ZDHHC15: variants seen among roughly 807,000 people sequenced by gnomAD.
ZDHHC15 encodes the protein palmitoyltransferase ZDHHC15.
In ZDHHC15, 19 loss-of-function variants were observed where a neutral mutation model predicts 31.7. That is an observed-to-expected ratio of 0.60 (90% CI 0.42 to 0.88). The LOEUF is 0.88. ZDHHC15 is among the 40% of genes least tolerant of loss of function. The probability of loss-of-function intolerance (pLI) is 0.00; values close to 1 mark genes in which losing one functional copy is unlikely to be tolerated. For missense variants in ZDHHC15, 209 were observed against 251.2 expected, an observed-to-expected ratio of 0.83 and a Z score of 1.14; for synonymous variants, 103 against 90.0, an observed-to-expected ratio of 1.14 and a Z score of -0.82.
At chrX:75,426,724 G>C (rs1468880990) in intron 7 of ZDHHC15, among the ~76,000 whole-genome samples, 1 of 111,288 alleles carries the variant, frequency 9.0e-6, no homozygotes, top group Non-Finnish European at 1.9e-5. Context: ...ATAATCTGTT[G>C]GTCTTCTGAA....
intron 2 of ZDHHC15, among the ~76,000 whole-genome samples, chrX:75,490,718 GT>G (rs1213728469): frequency 9.0e-6 from 1 of 111,204 alleles, no homozygotes; most frequent in African/African-American, 3.3e-5. Flanking sequence ...TCCGTTGTAA[GT>G]TGGATTCCTA....
intron 2 of ZDHHC15, among the ~76,000 whole-genome samples, chrX:75,503,458 C>T (rs1200129708): frequency 9.0e-6 from 1 of 110,828 alleles, no homozygotes; most frequent in Admixed American, 9.7e-5. Flanking sequence ...AATCATAATA[C>T]TATTAACTAT....
intron 3 of ZDHHC15, among the ~76,000 whole-genome samples, chrX:75,452,702 C>T (rs747392254): frequency 2.7e-5 from 3 of 112,144 alleles, no homozygotes; most frequent in African/African-American, 9.7e-5. Context: ...GACCACAGTT[C>T]AATCAAATTA....
At chrX:75,485,570 G>T (rs2084764931) in intron 2 of ZDHHC15, among the ~76,000 whole-genome samples, 1 of 111,088 alleles carries the variant, frequency 9.0e-6, no homozygotes, top group Admixed American at 9.6e-5. Context: ...GAGACTGCAA[G>T]GCATGTTGGG....
chrX:75,488,136 A>G (rs1265439071), intron 2 of ZDHHC15, among the ~76,000 whole-genome samples: 1 of 112,068 alleles, frequency 8.9e-6, no homozygotes, highest in Non-Finnish European at 1.9e-5. Flanking sequence ...TGGTCTTGCT[A>G]CTGATCTAGA....
chrX:75,389,620 T>G (rs766570148), intron 10 of ZDHHC15, among the ~76,000 whole-genome samples: 1 of 110,541 alleles, frequency 9.0e-6, no homozygotes, highest in Non-Finnish European at 1.9e-5. Flanking sequence ...GAAGGGAACA[T>G]GCTGTATTAA....
intron 1 of ZDHHC15, among the ~76,000 whole-genome samples, chrX:75,506,351 G>T (rs2085163686): frequency 9.0e-6 from 1 of 111,471 alleles, no homozygotes; most frequent in Admixed American, 9.6e-5. Context: ...AGAAAAATAG[G>T]GAAAAAGTCC....
chrX:75,411,604 C>T (rs2083486821), intron 10 of ZDHHC15, among the ~76,000 whole-genome samples: 1 of 112,231 alleles, frequency 8.9e-6, no homozygotes, highest in African/African-American at 3.2e-5. Flanking sequence ...CCCAATTAAC[C>T]TGATTTAATC....
chrX:75,438,996 G>C (rs2083901667), intron 4 of ZDHHC15, among the ~76,000 whole-genome samples: 1 of 111,327 alleles, frequency 9.0e-6, no homozygotes, highest in Non-Finnish European at 1.9e-5. Context: ...ATCCCTTCTA[G>C]TTTGCAGGGT....
chrX:75,483,220 A>G (rs2084721180), intron 2 of ZDHHC15, among the ~76,000 whole-genome samples: 1 of 109,137 alleles, frequency 9.2e-6, no homozygotes, highest in Admixed American at 1.0e-4. Flanking sequence ...CTCCCTCTTA[A>G]ATCTTAGTGA....
At chrX:75,434,685 C>T (rs993094279) in intron 4 of ZDHHC15, among the ~76,000 whole-genome samples, 5 of 111,952 alleles carry the variant, frequency 4.5e-5, no homozygotes, top group African/African-American at 1.6e-4. Flanking sequence ...TATTCTGTTC[C>T]ATTGGTCTAT....
chrX:75,437,391 TC>T (rs1336244724), intron 4 of ZDHHC15, among the ~76,000 whole-genome samples: 1 of 94,368 alleles, frequency 1.1e-5, no homozygotes, highest in African/African-American at 3.9e-5. Flanking sequence ...ACCCACTAAC[TC>T]GTCATCTAGC....
intron 10 of ZDHHC15, among the ~76,000 whole-genome samples, chrX:75,383,710 C>T (rs1449418697): frequency 9.6e-6 from 1 of 104,710 alleles, no homozygotes; most frequent in Non-Finnish European, 2.0e-5. Context: ...ATCACCCCCA[C>T]TACCCCAAAT....
intron 4 of ZDHHC15, among the ~76,000 whole-genome samples, chrX:75,449,197 TCTATACACACACACACAC>T (rs1286295106): frequency 1.1e-3 from 41 of 36,089 alleles, no homozygotes; most frequent in South Asian, 5.6e-3. Context: ...TCTCTCTCTC[TCTATACACACACACACAC>T]ACACACACAC....
intron 3 of ZDHHC15, among the ~76,000 whole-genome samples, chrX:75,457,983 T>G (rs1021158761): frequency 9.0e-6 from 1 of 111,074 alleles, no homozygotes; most frequent in Admixed American, 9.7e-5. Flanking sequence ...CAATCCCCTG[T>G]GGGTACTGAG....
At chrX:75,440,283 T>A (rs943730160) in intron 4 of ZDHHC15, among the ~76,000 whole-genome samples, 4 of 110,953 alleles carry the variant, frequency 3.6e-5, no homozygotes, top group Non-Finnish European at 3.8e-5. Flanking sequence ...TTCTTTTCCT[T>A]TTTTTTTTGA....
intron 10 of ZDHHC15, among the ~76,000 whole-genome samples, chrX:75,414,426 C>T (rs145546070): frequency 1.2e-4 from 8 of 66,189 alleles, no homozygotes; most frequent in African/African-American, 1.8e-4. Flanking sequence ...CATATTTTAT[C>T]TTTTTTTTTT....
intron 4 of ZDHHC15, among the ~76,000 whole-genome samples, chrX:75,438,361 A>G (rs756401904): frequency 2.7e-5 from 3 of 111,735 alleles, no homozygotes; most frequent in African/African-American, 9.7e-5. Flanking sequence ...AGGTGCATAT[A>G]TATTTAGGAT....
At chrX:75,492,912 G>A (rs1179602059) in intron 2 of ZDHHC15, among the ~76,000 whole-genome samples, 1 of 111,052 alleles carries the variant, frequency 9.0e-6, no homozygotes, top group Non-Finnish European at 1.9e-5. Context: ...GCTAGCAGAA[G>A]GCAAGAAATA....
Sources: allele counts gnomAD v4.1 joint callset (sites outside exome capture counted in the v4.1 genomes callset), GRCh38; gene constraint gnomAD v4.1.1; transcripts MANE v1.5; gene names NCBI Gene and HGNC (gene_info 2026-07-23, HGNC 2026-07-21).